Variants in PIDD1 observed in about 807,000 individuals in gnomAD.
PIDD1 encodes p53-induced death domain-containing protein 1.
A neutral mutation model predicts 80.0 loss-of-function variants in PIDD1; 72 were observed. The observed-to-expected ratio is 0.90, with a 90% CI of 0.74 to 1.09. The LOEUF is 1.09. Among genes scored for constraint, PIDD1 ranks in the 50% least tolerant of loss-of-function variants. PIDD1 has a pLI of 0.00. For synonymous variants in PIDD1, 655 were observed against 543.5 expected, an observed-to-expected ratio of 1.21 and a Z score of -2.85; for missense variants, 1,329 against 1,228.3, an observed-to-expected ratio of 1.08 and a Z score of -1.23.
In PIDD1 at chr11:801,954, G is replaced by C; in HGVS notation, c.1302+11C>G. The C allele has an allele frequency of 1.3e-6, 2 of 1,598,080 alleles. No homozygotes were observed. The highest frequency in any genetic ancestry group is 1.7e-4 in the Middle Eastern group (1 of 6,042). On this transcript the variant is annotated intron_variant, in intron 7 of 15. Transcript: ENST00000347755. ...CTCCACTCGCCACCGGCAGGCCTGG[G>C]TGGCCCTCACCTGGGGTGCCTCTTC...
chr11:801,391 C>A, intron 8 of PIDD1, 26 bp from the exon 9 acceptor site: 2 of 1,599,060 alleles, frequency 1.3e-6, no homozygotes, highest in Non-Finnish European at 1.7e-6. Flanking sequence ...CCCCTGAGCA[C>A]CTGCCTGTGG....
In PIDD1 at chr11:799,372, C is replaced by T. The variant is rs1476201451; in HGVS notation, c.2668G>A (p.Ala890Thr). 1.9e-6 allele frequency: 3 copies of T among 1,611,480 alleles called. No individual in the cohort carries two copies. The highest frequency in any genetic ancestry group is 1.7e-5 in the Admixed American group (1 of 59,976). The change falls in exon 16 of 16, where the codon GCC (alanine) becomes ACC (threonine). Residue 890 changes from alanine to threonine, a missense_variant. Coordinates refer to ENST00000347755, the MANE Select transcript of PIDD1 (RefSeq NM_145886.4). ...YQDSIRRMGLAPKDPALPGSS... is the reference protein window; with the variant it reads ...YQDSIRRMGLTPKDPALPGSS... ...CCAGGCAGAGCGGGGTCCTTGGGGG[C>T]CAAGCCCATGCGTCGGATGCTGTCC...
rs911944441 is a variant in PIDD1 at position 800,751 on chromosome 11, C to T, written c.1917+11G>A. On this transcript the variant is annotated intron_variant, in intron 11 of 15. Transcript: ENST00000347755. Reference sequence around the variant, plus strand: ...GTCACCACCCTGCTGCCCTCCGGCCCGTGCCCCCACCTTGTTTCGGGGCAG... The same window carrying T: ...GTCACCACCCTGCTGCCCTCCGGCCTGTGCCCCCACCTTGTTTCGGGGCAG... 5 of 1,545,574 alleles carry T rather than the reference C, an allele frequency of 3.2e-6. No homozygotes were observed. Among genetic ancestry groups the T allele is most frequent in the East Asian group, 2.4e-5 (1 of 41,112 alleles).
intron 2 of PIDD1, 59 bp from the exon 3 acceptor site, chr11:803,646 C>G (rs1176708743): frequency 6.5e-7 from 1 of 1,542,986 alleles, no homozygotes; most frequent in African/African-American, 1.4e-5. Flanking sequence ...CCCAGATCGA[C>G]CCTGCCAGCC....
At position 802,603 on chromosome 11, in the gene PIDD1, C is replaced by T; in HGVS notation, c.920-6G>A. 1 of 1,612,690 alleles carries T rather than the reference C, an allele frequency of 6.2e-7. No homozygotes were observed. Among genetic ancestry groups the T allele is most frequent in the Middle Eastern group, 1.7e-4 (1 of 6,060 alleles). On this transcript the variant is annotated splice_region_variant and splice_polypyrimidine_tract_variant and intron_variant, in intron 4 of 15. Coordinates refer to ENST00000347755, the MANE Select transcript of PIDD1 (RefSeq NM_145886.4). ...TTCTGGAATGAGGGCTGCCACTGTG[C>T]AGGGGACAGACATGTGCTCAGGACA...
chr11:802,401 G>A lies in PIDD1; in HGVS notation c.975-5C>T, dbSNP rs1865431869. The A allele has an allele frequency of 1.2e-6, 2 of 1,611,526 alleles. No homozygotes were observed. The highest frequency in any genetic ancestry group is 1.1e-5 in the South Asian group (1 of 91,060). On this transcript the variant is annotated splice_region_variant and splice_polypyrimidine_tract_variant and intron_variant, in intron 5 of 15. Transcript: ENST00000347755. ...CCTTGAGGGGTCACAGGAAAGCTGA[G>A]TGAGGAAGGAGCGAGCAACAGGTTA...
upstream of PIDD1, among the ~76,000 whole-genome samples, chr11:807,743 C>T (rs774044341): frequency 2.0e-5 from 3 of 152,302 alleles, no homozygotes; most frequent in Non-Finnish European, 2.9e-5. Context: ...CGCGACTGCA[C>T]TCCAGCCTGG....
In PIDD1 at chr11:803,355, G is replaced by A; in HGVS notation, c.528C>T (p.Leu176=). Residue 176 remains leucine, a synonymous_variant, in exon 3 of 16, where the codon CTC becomes CTT. Transcript: ENST00000347755. ...TCTGCAGGCGGTTGTGTGTCACTGTGAGGAAGGTGAGGGCGGGGAGGGCCC... is the reference window on the plus strand; with the variant it reads ...TCTGCAGGCGGTTGTGTGTCACTGTAAGGAAGGTGAGGGCGGGGAGGGCCC... ...ALGALPALTF[L]TVTHNRLQTL... is the part of the protein sequence containing the mutation. The A allele has an allele frequency of 6.2e-7, 1 of 1,614,040 alleles. No individual in the cohort carries two copies. Among genetic ancestry groups the A allele is most frequent in the Non-Finnish European group, 8.5e-7 (1 of 1,180,014 alleles).
rs1435925530 is a variant in PIDD1 at position 802,329 on chromosome 11, C to A, written c.1042G>T (p.Gly348Ter). The A allele has an allele frequency of 6.2e-7, 1 of 1,611,902 alleles. No homozygotes were observed. The highest frequency in any genetic ancestry group is 8.5e-7 in the Non-Finnish European group (1 of 1,179,758). Residue 348 changes from glycine (G) to a stop codon, truncating the protein, a stop_gained, in exon 6 of 16, where the codon GGA becomes TGA. Transcript: ENST00000347755. LOFTEE classifies it high-confidence loss of function. ...ACGVRLQFPAGATATPITIRY... is the reference protein window; with the variant it reads ...ACGVRLQFPA ...ATGGTGATGGGGGTGGCGGTGGCTC[C>A]CGCTGGGAACTGCAGGCGGACGCCA...
At chr11:809,224 G>A (rs1013201505), upstream of PIDD1, among the ~76,000 whole-genome samples, 4 of 152,236 alleles carry the variant, frequency 2.6e-5, no homozygotes, top group Non-Finnish European at 5.9e-5. Context: ...CCGGGCCAAA[G>A]CGGCCAGCGC....
rs144262676 is a variant in PIDD1, at chr11:799,340, C to T, written c.2700G>A (p.Ser900=). The stretch of plus-strand genomic sequence containing the variant: ...GGGCAGGCTCTGGGGGCTGTGGAGC[C>T]GAGGAGCCAGGCAGAGCGGGGTCCT... The part of the protein sequence containing the change: ...APKDPALPGS[S]APQPPEPAQA The change falls in exon 16 of 16, where the codon TCG becomes TCA. Residue 900 remains serine, a synonymous_variant. Coordinates refer to ENST00000347755, the MANE Select transcript of PIDD1 (RefSeq NM_145886.4). 1.4e-3 allele frequency: 2,315 copies of T among 1,608,402 alleles called. 7 individuals are homozygous for T. Among genetic ancestry groups the T allele is most frequent in the Middle Eastern group, 3.5e-3 (21 of 6,046 alleles).
At position 801,582 on chromosome 11, in the gene PIDD1, G is replaced by A. The variant is rs1333924691; in HGVS notation, c.1345C>T (p.Leu449Phe). 5 of 1,567,802 alleles carry A rather than the reference G, an allele frequency of 3.2e-6. No individual in the cohort carries two copies. Among genetic ancestry groups the A allele is most frequent in the Non-Finnish European group, 4.3e-6 (5 of 1,156,506 alleles). Reference sequence around the variant, plus strand: ...TTGGACACAGGGCGGGAAACCACAAGGAACCAGGAGAAGTGGGGCACCTGG... The same window carrying A: ...TTGGACACAGGGCGGGAAACCACAAAGAACCAGGAGAAGTGGGGCACCTGG... ...HCQVPHFSWF[L>F]VVSRPVSNAC... The change falls in exon 8 of 16, where the codon CTT (leucine) becomes TTT (phenylalanine). Residue 449 changes from leucine (L) to phenylalanine (F), a missense_variant. Physicochemically the swap from Leu to Phe is conservative, Grantham distance 22. Transcript: ENST00000347755.
rs1298230185 is a variant in PIDD1, at chr11:799,273, G to A, written c.*34C>T. The stretch of plus-strand genomic sequence containing the variant: ...GGTGGGGGCTCTGCCCATCCACTGG[G>A]GAATATCTGGGCCAGCCTAAAAGTC... On this transcript the variant is annotated 3_prime_UTR_variant, in exon 16 of 16. Transcript: ENST00000347755. 1 of 1,538,934 alleles carries A rather than the reference G, an allele frequency of 6.5e-7. No individual in the cohort carries two copies. Among genetic ancestry groups the A allele is most frequent in the Non-Finnish European group, 8.7e-7 (1 of 1,144,508 alleles).
rs1036869488 is a variant in PIDD1 at position 801,487 on chromosome 11, G to A, written c.1440C>T (p.Phe480=). 6.5e-7 allele frequency: 1 copy of A among 1,547,748 alleles called. No homozygotes were observed. Among genetic ancestry groups the A allele is most frequent in the South Asian group, 1.2e-5 (1 of 82,334 alleles). Residue 480 remains phenylalanine, a synonymous_variant, in exon 8 of 16, where the codon TTC becomes TTT. Transcript: ENST00000347755. The part of the protein sequence containing the change: ...SSGHPGVKVI[F]PPGATEEPRR... ...GAGGCTCCTCAGTGGCCCCAGGGGG[G>A]AAGATGACTTTGACCCCAGGATGAC... is the stretch of plus-strand genomic sequence containing the variant.
In PIDD1 at chr11:801,354, C is replaced by T. The variant is rs758892271; in HGVS notation, c.1494G>A (p.Met498Ile). 2.5e-6 allele frequency: 4 copies of T among 1,609,352 alleles called. No individual in the cohort carries two copies. The highest frequency in any genetic ancestry group is 3.4e-6 in the Non-Finnish European group (4 of 1,178,188). ...GGAGGGCCTGCAGCTCTCGGCCAGC[C>T]ATGCGCACCACCTGGGGCAGACAGG... ...PRRVSMQVVR[M>I]AGRELQALLG... The change falls in exon 9 of 16, where the codon ATG becomes ATA. Residue 498 changes from methionine (M) to isoleucine (I), a missense_variant. Transcript: ENST00000347755.
At position 799,463 on chromosome 11, in the gene PIDD1, C is replaced by G. The variant is rs796362144; in HGVS notation, c.2577G>C (p.Gln859His). 1 of 1,609,988 alleles carries G rather than the reference C, an allele frequency of 6.2e-7. No individual in the cohort carries two copies. Among genetic ancestry groups the G allele is most frequent in the African/African-American group, 1.3e-5 (1 of 75,062 alleles). Residue 859 changes from glutamine to histidine, a missense_variant, in exon 16 of 16, where the codon CAG (glutamine) becomes CAC (histidine). Physicochemically the swap from Gln to His is conservative, Grantham distance 24. Transcript: ENST00000347755. ...AVGLLVQALE[Q>H]SDRQDVAEEV... Reference sequence around the variant, plus strand: ...CTTCAGCCACGTCCTGCCGGTCACTCTGCTCCAGGGCCTGCACCAGGAGCC... The same window carrying G: ...CTTCAGCCACGTCCTGCCGGTCACTGTGCTCCAGGGCCTGCACCAGGAGCC...
At chr11:809,010 C>T (rs1865923807), upstream of PIDD1, among the ~76,000 whole-genome samples, 1 of 152,228 alleles carries the variant, frequency 6.6e-6, no homozygotes, top group Admixed American at 6.5e-5. Flanking sequence ...CTTCTCATCT[C>T]TCAGCTCAAG....
chr11:803,652 C>T, intron 2 of PIDD1, 65 bp from the exon 3 acceptor site: 4 of 1,538,062 alleles, frequency 2.6e-6, no homozygotes, highest in Non-Finnish European at 3.5e-6. Flanking sequence ...TCGACCCTGC[C>T]AGCCAGAGAA....
chr11:803,552 G>A lies in PIDD1; in HGVS notation c.331C>T (p.Arg111Trp), dbSNP rs778127976. Reference sequence around the variant, plus strand: ...GCGGGCAGGTTGGTCAGGGCACCCCGGAGACAGGCACCCAGTGTGTCCCGG... The same window carrying A: ...GCGGGCAGGTTGGTCAGGGCACCCCAGAGACAGGCACCCAGTGTGTCCCGG... The part of the protein sequence containing the change: ...QRRDTLGACL[R>W]GALTNLPAGL... The change falls in exon 3 of 16, where the codon CGG becomes TGG. Residue 111 changes from arginine to tryptophan, a missense_variant. Transcript: ENST00000347755. 5.1e-5 allele frequency: 83 copies of A among 1,612,222 alleles called. No individual in the cohort carries two copies. Among genetic ancestry groups the A allele is most frequent in the Admixed American group, 1.3e-4 (8 of 59,940 alleles).
Sources: allele counts gnomAD v4.1 joint callset (sites outside exome capture counted in the v4.1 genomes callset), GRCh38; gene constraint gnomAD v4.1.1; transcripts MANE v1.5; gene names NCBI Gene and HGNC (gene_info 2026-07-23, HGNC 2026-07-21).